Variants in RAB42 observed in about 807,000 individuals in gnomAD.
RAB42 encodes the protein RAB42, member RAS oncogene family.
RAB42 carries 4 observed loss-of-function variants against 7.5 expected under a neutral mutation model. That is an observed-to-expected ratio of 0.53 (90% CI 0.26 to 1.22). RAB42 has a LOEUF of 1.22. RAB42 is among the 50% of genes most tolerant of loss of function. The probability of loss-of-function intolerance (pLI) is 0.13; values close to 1 mark genes in which losing one functional copy is unlikely to be tolerated. For synonymous variants in RAB42, 82 were observed against 129.0 expected, an observed-to-expected ratio of 0.64 and a Z score of 2.47; for missense variants, 208 against 281.2, an observed-to-expected ratio of 0.74 and a Z score of 1.86.
chr1:28,592,475 A>C lies in RAB42; in HGVS notation c.-37A>C. ...GCAGGGGCGGGGTCGGGGCGCGGAC[A>C]AAACCGCCGCGGGGCGGCGGGGTGG... On this transcript the variant is annotated 5_prime_UTR_variant, in exon 1 of 2. Coordinates refer to ENST00000465518, the MANE Select transcript of RAB42 (RefSeq NM_001193532.3). The surrounding 1 kb of genome is among the most constrained non-coding windows in gnomAD (Gnocchi z 4.1). 3 of 1,124,904 alleles carry C rather than the reference A, an allele frequency of 2.7e-6. No homozygotes were observed. The highest frequency in any genetic ancestry group is 3.3e-6 in the Non-Finnish European group (3 of 904,460). 69.7% of individuals were successfully genotyped at this position (1,124,904 alleles called of 1,614,324 possible).
chr1:28,596,418 C>T (rs1249516738), downstream of RAB42, among the ~76,000 whole-genome samples: 3 of 152,038 alleles, frequency 2.0e-5, no homozygotes, highest in Non-Finnish European at 4.4e-5. Context: ...GTCAGGAGTT[C>T]GAGACCAGCC....
At position 28,592,727 on chromosome 1, in the gene RAB42, G is replaced by A; in HGVS notation, c.216G>A (p.Ala72=). The A allele has an allele frequency of 8.1e-7, 1 of 1,229,322 alleles. No individual in the cohort carries two copies. Among genetic ancestry groups the A allele is most frequent in the South Asian group, 4.1e-5 (1 of 24,264 alleles). 76.2% of individuals were successfully genotyped at this position (1,229,322 alleles called of 1,614,324 possible). The change falls in exon 1 of 2, where the codon GCG becomes GCA. Residue 72 remains alanine (A), a synonymous_variant. Coordinates refer to ENST00000465518, the MANE Select transcript of RAB42 (RefSeq NM_001193532.3). This position sits in a 1 kb window ranked among gnomAD's most constrained non-coding sequence, Gnocchi z 4.1. ...TCAAGCTGCAACTCTGGGACACCGCGGGCCACGAGCGCTTCAGGTGCGGGT... is the reference window on the plus strand; with the variant it reads ...TCAAGCTGCAACTCTGGGACACCGCAGGCCACGAGCGCTTCAGGTGCGGGT... The part of the protein sequence containing the change: ...PRVKLQLWDT[A]GHERFRCITR...
Position 28,593,689 on chromosome 1 carries a change from C to T in RAB42, c.234-5C>T. The T allele has an allele frequency of 6.5e-7, 1 of 1,533,720 alleles. No homozygotes were observed. The highest frequency in any genetic ancestry group is 1.2e-5 in the South Asian group (1 of 81,782). ...GCTTACCTTTCCACCTCCCTGCCTCCCCAGGTGCATCACCAGGTCCTTTTA... is the reference window on the plus strand; with the variant it reads ...GCTTACCTTTCCACCTCCCTGCCTCTCCAGGTGCATCACCAGGTCCTTTTA... On this transcript the variant is annotated splice_region_variant and splice_polypyrimidine_tract_variant and intron_variant, in intron 1 of 1. Coordinates refer to ENST00000465518, the MANE Select transcript of RAB42 (RefSeq NM_001193532.3).
At position 28,593,867 on chromosome 1, in the gene RAB42, C is replaced by T. The variant is rs769851968; in HGVS notation, c.407C>T (p.Thr136Ile). ...GGCCACAAGAGTGACCTGCAGAGCA[C>T]CCGCTGTGTCTCAGCCCAGGAGGCC... ...LVGHKSDLQS[T>I]RCVSAQEAEE... The change falls in exon 2 of 2, where the codon ACC (threonine) becomes ATC (isoleucine). Residue 136 changes from threonine (T) to isoleucine (I), a missense_variant. Transcript: ENST00000465518. The T allele has an allele frequency of 1.1e-5, 17 of 1,600,062 alleles. No individual in the cohort carries two copies. Among genetic ancestry groups the T allele is most frequent in the Non-Finnish European group, 1.4e-5 (17 of 1,173,764 alleles).
At position 28,593,965 on chromosome 1, in the gene RAB42, G is replaced by C. The variant is rs1666379998; in HGVS notation, c.505G>C (p.Ala169Pro). Reference sequence around the variant, plus strand: ...TAAAAACAACTGCAATGTGGACCTGGCCTTTGACACCCTCGCTGATGCTAT... The same window carrying C: ...TAAAAACAACTGCAATGTGGACCTGCCCTTTGACACCCTCGCTGATGCTAT... ...SVKNNCNVDL[A>P]FDTLADAIQQ... is the part of the protein sequence containing the mutation. The change falls in exon 2 of 2, where the codon GCC (alanine) becomes CCC (proline). Residue 169 changes from alanine to proline, a missense_variant. Physicochemically the swap from Ala to Pro is conservative, Grantham distance 27. Transcript: ENST00000465518. 1.9e-6 allele frequency: 3 copies of C among 1,613,784 alleles called. No homozygotes were observed. In the African/African-American group the frequency reaches 4.0e-5, roughly 22 times the overall value.
At chr1:28,596,515 C>T (rs892949810), downstream of RAB42, among the ~76,000 whole-genome samples, 4 of 152,016 alleles carry the variant, frequency 2.6e-5, no homozygotes, top group African/African-American at 4.8e-5. Flanking sequence ...CCAGCTACCG[C>T]GGAGTCTGAG....
At position 28,592,812 on chromosome 1, in the gene RAB42, C is replaced by T. The variant is rs537090246; in HGVS notation, c.233+68C>T. 6 of 794,906 alleles carry T rather than the reference C, an allele frequency of 7.5e-6. No homozygotes were observed. In the East Asian group the frequency reaches 1.7e-4, roughly 22 times the overall value. 49.2% of individuals were successfully genotyped at this position (794,906 alleles called of 1,614,324 possible). ...TCGGTGAGCGTGCTTTAGGCCACGG[C>T]AACTCCCGAGAGGCCAACTCAGAGG... On this transcript the variant is annotated intron_variant, in intron 1 of 1. Transcript: ENST00000465518. The surrounding 1 kb of genome is among the most constrained non-coding windows in gnomAD (Gnocchi z 4.1).
At chr1:28,593,013 C>G (rs1666353997) in intron 1 of RAB42, among the ~76,000 whole-genome samples, 1 of 152,054 alleles carries the variant, frequency 6.6e-6, no homozygotes, top group Non-Finnish European at 1.5e-5. Context: ...GATACTGGCC[C>G]CGGGTGCTGA....
chr1:28,592,599 G>C lies in RAB42; in HGVS notation c.88G>C (p.Val30Leu). 8.2e-7 allele frequency: 1 copy of C among 1,220,462 alleles called. No individual in the cohort carries two copies. The highest frequency in any genetic ancestry group is 1.0e-6 in the Non-Finnish European group (1 of 980,636). The allele number at this position is 1,220,462 out of a possible 1,614,324, so 75.6% of individuals were successfully genotyped here. Residue 30 changes from valine (V) to leucine (L), a missense_variant, in exon 1 of 2, where the codon GTG becomes CTG. Transcript: ENST00000465518. This position sits in a 1 kb window ranked among gnomAD's most constrained non-coding sequence, Gnocchi z 4.1. Reference sequence around the variant, plus strand: ...CAAGACGTCGCTGCTGCGGAGCTACGTGGCAGGCGCGCCTGGCGCCCCGGA... The same window carrying C: ...CAAGACGTCGCTGCTGCGGAGCTACCTGGCAGGCGCGCCTGGCGCCCCGGA... ...VGKTSLLRSYVAGAPGAPEPE... is the reference protein window; with the variant it reads ...VGKTSLLRSYLAGAPGAPEPE...
Position 28,593,688 on chromosome 1 carries a change from C to T in RAB42, c.234-6C>T. Reference sequence around the variant, plus strand: ...AGCTTACCTTTCCACCTCCCTGCCTCCCCAGGTGCATCACCAGGTCCTTTT... The same window carrying T: ...AGCTTACCTTTCCACCTCCCTGCCTTCCCAGGTGCATCACCAGGTCCTTTT... On this transcript the variant is annotated splice_region_variant and splice_polypyrimidine_tract_variant and intron_variant, in intron 1 of 1. Coordinates refer to ENST00000465518, the MANE Select transcript of RAB42 (RefSeq NM_001193532.3). 1 of 1,533,072 alleles carries T rather than the reference C, an allele frequency of 6.5e-7. No homozygotes were observed. Among genetic ancestry groups the T allele is most frequent in the Middle Eastern group, 1.7e-4 (1 of 5,920 alleles). The allele number at this position is 1,533,072 out of a possible 1,614,324, so 95.0% of individuals were successfully genotyped here.
At position 28,594,312 on chromosome 1, in the gene RAB42, C is replaced by T. The variant is rs930661797; in HGVS notation, c.*195C>T. ...TCTGATGGCCAGGCATGGTGGCTCACGCCTGTAATCCTAGCATTTTTGGAG... is the reference window on the plus strand; with the variant it reads ...TCTGATGGCCAGGCATGGTGGCTCATGCCTGTAATCCTAGCATTTTTGGAG... On this transcript the variant is annotated 3_prime_UTR_variant, in exon 2 of 2. Coordinates refer to ENST00000465518, the MANE Select transcript of RAB42 (RefSeq NM_001193532.3). The T allele has an allele frequency of 2.8e-5, 17 of 603,030 alleles. No homozygotes were observed. Among genetic ancestry groups the T allele is most frequent in the Middle Eastern group, 4.6e-4 (1 of 2,194 alleles). 37.4% of individuals were successfully genotyped at this position (603,030 alleles called of 1,614,324 possible).
rs1291861686 is a variant in RAB42 at position 28,595,310 on chromosome 1, GTC to G, written c.*1197_*1198del. On this transcript the variant is annotated 3_prime_UTR_variant, in exon 2 of 2. Transcript: ENST00000465518. ...CTGAAAGTCAAAACCAACTTTATCA[GTC>G]TCTGTGGGCTTCATTGAGGACACTG... 6.0e-6 allele frequency: 1 copy of G among 167,098 alleles called. No individual in the cohort carries two copies. Among genetic ancestry groups the G allele is most frequent in the Admixed American group, 6.5e-5 (1 of 15,278 alleles). The allele number at this position is 167,098 out of a possible 1,614,324, so 10.4% of individuals were successfully genotyped here. A position where few individuals can be genotyped will look rare whatever the true frequency, so the allele number is the denominator to read the frequency against.
chr1:28,592,659 G>A lies in RAB42; in HGVS notation c.148G>A (p.Glu50Lys). 5.7e-6 allele frequency: 7 copies of A among 1,227,900 alleles called. No homozygotes were observed. The highest frequency in any genetic ancestry group is 7.1e-6 in the Non-Finnish European group (7 of 985,482). The allele number at this position is 1,227,900 out of a possible 1,614,324, so 76.1% of individuals were successfully genotyped here. A position where few individuals can be genotyped will look rare whatever the true frequency, so the allele number is the denominator to read the frequency against. The change falls in exon 1 of 2, where the codon GAG becomes AAG. Residue 50 changes from glutamate (E) to lysine (K), a missense_variant. Transcript: ENST00000465518. This position sits in a 1 kb window ranked among gnomAD's most constrained non-coding sequence, Gnocchi z 4.1. ...EPEPEPTVGA[E>K]CYRRALQLRA... The stretch of plus-strand genomic sequence containing the variant: ...CGAGCCCGAGCCCACGGTGGGCGCC[G>A]AGTGCTACCGCCGCGCGCTGCAGCT...
chr1:28,592,515 G>A lies in RAB42; in HGVS notation c.4G>A (p.Glu2Lys). 1 of 1,204,386 alleles carries A rather than the reference G, an allele frequency of 8.3e-7. No individual in the cohort carries two copies. The highest frequency in any genetic ancestry group is 1.0e-6 in the Non-Finnish European group (1 of 969,706). 74.6% of individuals were successfully genotyped at this position (1,204,386 alleles called of 1,614,324 possible). Residue 2 changes from glutamate (E) to lysine (K), a missense_variant, in exon 1 of 2, where the codon GAG becomes AAG. Coordinates refer to ENST00000465518, the MANE Select transcript of RAB42 (RefSeq NM_001193532.3). This position sits in a 1 kb window ranked among gnomAD's most constrained non-coding sequence, Gnocchi z 4.1. ...CGGCGGGGTGGCGGACGCGGCCATG[G>A]AGGCCGAGGGCTGCCGCTACCAATT... Reference protein sequence around the residue: MEAEGCRYQFRV... With the variant: MKAEGCRYQFRV...
In RAB42 at chr1:28,593,936, C is replaced by T. The variant is rs146157625; in HGVS notation, c.476C>T (p.Ser159Leu). The change falls in exon 2 of 2, where the codon TCG (serine) becomes TTG (leucine). Residue 159 changes from serine (S) to leucine (L), a missense_variant. Physicochemically the swap from Ser to Leu is moderately radical, Grantham distance 145 (BLOSUM62 -2). Transcript: ENST00000465518. ...ASLGMAFVET[S>L]VKNNCNVDLA... is the part of the protein sequence containing the mutation. ...CTGGGCATGGCCTTCGTGGAGACCT[C>T]GGTTAAAAACAACTGCAATGTGGAC... The T allele has an allele frequency of 3.1e-6, 5 of 1,613,778 alleles. No homozygotes were observed. Among genetic ancestry groups the T allele is most frequent in the Non-Finnish European group, 4.2e-6 (5 of 1,179,812 alleles).
chr1:28,595,236 C>G lies in RAB42; in HGVS notation c.*1119C>G, dbSNP rs1272865329. 3.0e-5 allele frequency: 5 copies of G among 167,054 alleles called. No homozygotes were observed. Among genetic ancestry groups the G allele is most frequent in the Admixed American group, 2.0e-4 (3 of 15,264 alleles). 10.3% of individuals were successfully genotyped at this position (167,054 alleles called of 1,614,324 possible). On this transcript the variant is annotated 3_prime_UTR_variant, in exon 2 of 2. Coordinates refer to ENST00000465518, the MANE Select transcript of RAB42 (RefSeq NM_001193532.3). The stretch of plus-strand genomic sequence containing the variant: ...AGGGCAGCTTGTATCCAAAGTTCAT[C>G]TCCTGGGGGGCCTTAAAGGACTCCC...
Position 28,593,896 on chromosome 1 carries a change from G to T in RAB42, c.436G>T (p.Glu146Ter), listed in dbSNP as rs1392563204. ...TRCVSAQEAE[E>*]LAASLGMAFV... The stretch of plus-strand genomic sequence containing the variant: ...CTGTGTCTCAGCCCAGGAGGCCGAG[G>T]AGCTAGCTGCCTCCCTGGGCATGGC... The change falls in exon 2 of 2, where the codon GAG becomes TAG. Residue 146 changes from glutamate to a stop codon, truncating the protein, a stop_gained. Transcript: ENST00000465518. LOFTEE classifies it low-confidence loss of function (END_TRUNC). 2 of 1,612,092 alleles carry T rather than the reference G, an allele frequency of 1.2e-6. No homozygotes were observed. Among genetic ancestry groups the T allele is most frequent in the African/African-American group, 2.7e-5 (2 of 74,888 alleles).
chr1:28,596,137 T>C (rs1232028876), downstream of RAB42, among the ~76,000 whole-genome samples: 5 of 152,196 alleles, frequency 3.3e-5, no homozygotes, highest in African/African-American at 1.2e-4. Flanking sequence ...TCTTTTTTTT[T>C]TTAAACCCAT....
downstream of RAB42, among the ~76,000 whole-genome samples, chr1:28,596,094 G>C (rs921853531): frequency 1.3e-5 from 2 of 151,528 alleles, no homozygotes; most frequent in African/African-American, 4.8e-5. Flanking sequence ...TGGAGAGGGG[G>C]CTGAGGGGTC....
Sources: gnomAD v4.1 joint callset for allele counts (sites outside exome capture counted in the v4.1 genomes callset) on GRCh38, gnomAD v4.1.1 for gene constraint, Gnocchi (gnomAD v3.1) non-coding constraint, MANE v1.5 for transcripts, NCBI Gene and HGNC (gene_info 2026-07-23, HGNC 2026-07-21) for gene names.